Variants in GPR107 observed in about 807,000 individuals in gnomAD.
The protein encoded by GPR107 is protein GPR107.
In GPR107, 31 loss-of-function variants were observed where a neutral mutation model predicts 75.5. That is an observed-to-expected ratio of 0.41 (90% CI 0.31 to 0.55). GPR107 has a LOEUF of 0.55. Among genes scored for constraint, GPR107 ranks in the 20% least tolerant of loss-of-function variants. The pLI, the probability that GPR107 is intolerant of heterozygous loss-of-function variation, is 0.26. For missense variants in GPR107, 572 were observed against 665.7 expected (o/e 0.86, Z 1.55); for synonymous variants, 267 against 251.3 (o/e 1.06, Z -0.59).
intron 13 of GPR107, among the ~76,000 whole-genome samples, chr9:130,107,049 G>A (rs1831176095): frequency 6.6e-6 from 1 of 152,130 alleles, no homozygotes; most frequent in Non-Finnish European, 1.5e-5. Flanking sequence ...ATCTCCACTC[G>A]ATAAGTTTGC....
intron 13 of GPR107, among the ~76,000 whole-genome samples, chr9:130,106,437 AAAT>A (rs1446607276): frequency 7.2e-5 from 11 of 151,868 alleles, no homozygotes; most frequent in African/African-American, 2.7e-4. Flanking sequence ...TCTTAACTAA[AAAT>A]ATAAAAATTA....
chr9:130,092,086 C>G (rs538549648), intron 8 of GPR107, among the ~76,000 whole-genome samples, 162 bp from the exon 9 acceptor site: 1 of 151,906 alleles, frequency 6.6e-6, no homozygotes, highest in African/African-American at 2.4e-5. Flanking sequence ...GTGATCCACC[C>G]GCCTCAGCCT....
At chr9:130,057,836 A>T (rs77998223) in intron 1 of GPR107, among the ~76,000 whole-genome samples, 45,146 of 146,386 alleles carry the variant, frequency 0.31, 7,218 homozygotes, top group Non-Finnish European at 0.38. Flanking sequence ...TATTATTATT[A>T]TTTTTTTTTT....
At chr9:130,069,566 T>C (rs573668009) in intron 1 of GPR107, among the ~76,000 whole-genome samples, 109 of 152,314 alleles carry the variant, frequency 7.2e-4, no homozygotes, top group African/African-American at 2.5e-3. Context: ...TGAGGTATAG[T>C]TTACGAAGTC....
intron 1 of GPR107, among the ~76,000 whole-genome samples, chr9:130,074,649 A>G (rs564123401): frequency 8.9e-4 from 135 of 152,236 alleles, no homozygotes; most frequent in African/African-American, 3.2e-3. Context: ...CTTGTATCCA[A>G]AAGACTCTGT....
At chr9:130,097,253 C>CA (rs1402634665) in intron 9 of GPR107, among the ~76,000 whole-genome samples, 1 of 147,334 alleles carries the variant, frequency 6.8e-6, no homozygotes, top group Non-Finnish European at 1.5e-5. Context: ...CTCCTGAGTG[C>CA]AAGCGATTCT....
At chr9:130,130,394 T>C (rs906860201) in intron 17 of GPR107, among the ~76,000 whole-genome samples, 5 of 152,234 alleles carry the variant, frequency 3.3e-5, no homozygotes, top group African/African-American at 1.2e-4. Context: ...GGAGGTTTTC[T>C]CCCTGGGGTT....
At chr9:130,055,256 A>G (rs866602471) in intron 1 of GPR107, among the ~76,000 whole-genome samples, 7 of 151,242 alleles carry the variant, frequency 4.6e-5, no homozygotes, top group Admixed American at 1.3e-4. Context: ...TCACGAGGTG[A>G]GGAGATCGAG....
At chr9:130,125,670 C>T (rs866714821) in intron 15 of GPR107, among the ~76,000 whole-genome samples, 13 of 149,858 alleles carry the variant, frequency 8.7e-5, no homozygotes, top group Admixed American at 5.4e-4. Flanking sequence ...AGTGCGATCC[C>T]GGCCACTATT....
chr9:130,057,836 AT>A (rs71387306), intron 1 of GPR107, among the ~76,000 whole-genome samples: 6 of 146,398 alleles, frequency 4.1e-5, no homozygotes, highest in South Asian at 2.1e-4. Flanking sequence ...TATTATTATT[AT>A]TTTTTTTTTT....
chr9:130,056,450 A>AAAATAAGT (rs1554889205), intron 1 of GPR107, among the ~76,000 whole-genome samples: 8 of 150,782 alleles, frequency 5.3e-5, no homozygotes, highest in Admixed American at 4.7e-4. Flanking sequence ...ACTCCGTCTC[A>AAAATAAGT]AAATAAATAA....
intron 6 of GPR107, among the ~76,000 whole-genome samples, chr9:130,085,754 ATT>A (rs71387311): frequency 1.9e-3 from 151 of 78,654 alleles, no homozygotes; most frequent in Non-Finnish European, 2.6e-3. Context: ...CAATATTTTG[ATT>A]TTTTTTTTTT....
intron 14 of GPR107, among the ~76,000 whole-genome samples, chr9:130,118,666 C>T (rs907262821): frequency 2.0e-5 from 3 of 151,764 alleles, no homozygotes. Flanking sequence ...ACCCCCGTCT[C>T]CTCCTTTTCT....
In GPR107 at chr9:130,075,738, A is replaced by G. The variant is rs1388781619; in HGVS notation, c.244A>G (p.Lys82Glu). 1.3e-6 allele frequency: 2 copies of G among 1,537,936 alleles called. No homozygotes were observed. The highest frequency in any genetic ancestry group is 4.5e-5 in the East Asian group (2 of 44,546). ...CCTCTCACTGAATGAGCCTGAAGAC[A>G]AGGATGTGACTGTAAGTACCTTTTA... ...SSLSLNEPED[K>E]DVTIGFSLDR... is the part of the protein sequence containing the mutation. Residue 82 changes from lysine to glutamate, a missense_variant, in exon 2 of 18, where the codon AAG becomes GAG. Lys to Glu is a moderately conservative substitution (Grantham distance 56). Transcript: ENST00000347136.
chr9:130,109,793 AC>A (rs111558599), intron 14 of GPR107, among the ~76,000 whole-genome samples: 4,992 of 150,094 alleles, frequency 0.033, 275 homozygotes, highest in African/African-American at 0.12. Flanking sequence ...CTGGTCGCAA[AC>A]TCCTGACCTC....
At chr9:130,104,362 C>T in intron 12 of GPR107, 58 bp from the exon 13 acceptor site, 1 of 1,555,300 alleles carries the variant, frequency 6.4e-7, no homozygotes. Flanking sequence ...ATTGGGGCTG[C>T]TAGCATCATA....
intron 13 of GPR107, among the ~76,000 whole-genome samples, 175 bp from the exon 14 acceptor site, chr9:130,107,321 G>A (rs548503672): frequency 6.6e-6 from 1 of 152,286 alleles, no homozygotes; most frequent in Admixed American, 6.5e-5. Context: ...CCTCAGACGT[G>A]TTGATATCAA....
intron 14 of GPR107, among the ~76,000 whole-genome samples, chr9:130,121,795 TC>T (rs1253719593): frequency 6.6e-6 from 1 of 152,238 alleles, no homozygotes; most frequent in East Asian, 1.9e-4. Flanking sequence ...ACATGACACT[TC>T]CTTGTCTGGC....
At chr9:130,085,521 G>T (rs1830592890) in intron 6 of GPR107, among the ~76,000 whole-genome samples, 1 of 151,978 alleles carries the variant, frequency 6.6e-6, no homozygotes, top group Non-Finnish European at 1.5e-5. Flanking sequence ...TCAAGGTAGT[G>T]AAATATCCAT....
Sources: gnomAD v4.1 joint callset for allele counts (sites outside exome capture counted in the v4.1 genomes callset) on GRCh38, gnomAD v4.1.1 for gene constraint, MANE v1.5 for transcripts, NCBI Gene and HGNC (gene_info 2026-07-23, HGNC 2026-07-21) for gene names.